The following PDE7A variants were observed in gnomAD, a reference collection of about 807,000 sequenced individuals.
The protein encoded by PDE7A is high affinity 3',5'-cyclic-AMP phosphodiesterase 7A.
Under a neutral mutation model 64.3 loss-of-function variants are expected in PDE7A, and 39 were observed. That is an observed-to-expected ratio of 0.61 (90% CI 0.47 to 0.79). PDE7A has a LOEUF of 0.79. PDE7A is among the 30% of genes least tolerant of loss of function. The pLI, the probability that PDE7A is intolerant of heterozygous loss-of-function variation, is 0.00. For missense variants in PDE7A, 470 were observed against 582.8 expected (o/e 0.81, Z 1.99); for synonymous variants, 203 against 206.8 (o/e 0.98, Z 0.16).
At chr8:65,741,970 T>G (rs987912900) in intron 5 of PDE7A, among the ~76,000 whole-genome samples, 3 of 152,224 alleles carry the variant, frequency 2.0e-5, no homozygotes, top group Non-Finnish European at 2.9e-5. Context: ...AATCAGTCTC[T>G]TAAAGTGTAC....
At chr8:65,754,266 G>T (rs1808110722) in intron 3 of PDE7A, among the ~76,000 whole-genome samples, 1 of 151,934 alleles carries the variant, frequency 6.6e-6, no homozygotes, top group Non-Finnish European at 1.5e-5. Context: ...AAGATTGAGG[G>T]TGCGTCTGCC....
At chr8:65,830,424 A>G (rs1043339647) in intron 1 of PDE7A, among the ~76,000 whole-genome samples, 3 of 152,086 alleles carry the variant, frequency 2.0e-5, no homozygotes, top group African/African-American at 7.2e-5. Context: ...TACTGCTAAT[A>G]TAAAGCACTT....
chr8:65,777,222 G>C (rs893332992), intron 3 of PDE7A, among the ~76,000 whole-genome samples: 2 of 151,746 alleles, frequency 1.3e-5, no homozygotes, highest in Non-Finnish European at 2.9e-5. Context: ...TGGGATTACA[G>C]GCATGCACCA....
At chr8:65,821,180 AC>A (rs1318424532) in intron 1 of PDE7A, among the ~76,000 whole-genome samples, 2 of 152,006 alleles carry the variant, frequency 1.3e-5, no homozygotes, top group African/African-American at 4.8e-5. Context: ...ACAAAACAAA[AC>A]AAAAAAAAAC....
intron 3 of PDE7A, among the ~76,000 whole-genome samples, chr8:65,749,261 T>C (rs749668621): frequency 6.6e-6 from 1 of 152,228 alleles, no homozygotes; most frequent in Non-Finnish European, 1.5e-5. Flanking sequence ...CAAAGCCTAA[T>C]AGTAATGCAA....
intron 1 of PDE7A, among the ~76,000 whole-genome samples, chr8:65,789,252 T>C (rs905761112): frequency 1.3e-5 from 2 of 152,226 alleles, no homozygotes; most frequent in African/African-American, 4.8e-5. Context: ...TAACAAAATG[T>C]AGGCAAAGGA....
At chr8:65,735,448 A>C (rs1365508789) in intron 6 of PDE7A, among the ~76,000 whole-genome samples, 1 of 151,908 alleles carries the variant, frequency 6.6e-6, no homozygotes, top group African/African-American at 2.4e-5. Context: ...AGTTGGAACC[A>C]CAGGTGCATG....
rs937723345 is a variant in PDE7A, at chr8:65,779,881, G to A, written c.200-78C>T. ...AAGCTTCCATATGCAACAAAGGTCCGTGTGGTATCATATTCATAAGTAACA... is the reference window on the plus strand; with the variant it reads ...AAGCTTCCATATGCAACAAAGGTCCATGTGGTATCATATTCATAAGTAACA... On this transcript the variant is annotated intron_variant, in intron 2 of 12. Coordinates refer to ENST00000401827, the MANE Select transcript of PDE7A (RefSeq NM_001242318.3). The A allele has an allele frequency of 2.8e-5, 23 of 813,180 alleles. 1 individual carries two copies. The Middle Eastern group carries it at 1.4e-3, about 48-fold the overall frequency. The allele number at this position is 813,180 out of a possible 1,614,324, so 50.4% of individuals were successfully genotyped here.
At chr8:65,751,139 G>A (rs1807933742) in intron 3 of PDE7A, among the ~76,000 whole-genome samples, 1 of 152,194 alleles carries the variant, frequency 6.6e-6, no homozygotes, top group Admixed American at 6.5e-5. Context: ...GGGTCTGAGG[G>A]CCTCATACAG....
intron 7 of PDE7A, among the ~76,000 whole-genome samples, chr8:65,732,697 G>A (rs770328620): frequency 2.0e-5 from 3 of 152,150 alleles, no homozygotes; most frequent in Non-Finnish European, 4.4e-5. Context: ...ATTTTTTGTA[G>A]AGATGGGATC....
At chr8:65,749,169 ATAT>A (rs1233544594) in intron 3 of PDE7A, among the ~76,000 whole-genome samples, 1 of 152,152 alleles carries the variant, frequency 6.6e-6, no homozygotes, top group Non-Finnish European at 1.5e-5. Flanking sequence ...AGTACTTCTG[ATAT>A]TATAATTAGT....
At chr8:65,787,317 C>A (rs1367983839) in intron 1 of PDE7A, among the ~76,000 whole-genome samples, 1 of 152,170 alleles carries the variant, frequency 6.6e-6, no homozygotes, top group African/African-American at 2.4e-5. Flanking sequence ...TTTGCAGATT[C>A]ATAAACTGAT....
intron 3 of PDE7A, among the ~76,000 whole-genome samples, chr8:65,750,144 A>G (rs1807865717): frequency 6.6e-6 from 1 of 152,226 alleles, no homozygotes; most frequent in African/African-American, 2.4e-5. Context: ...CCCATTTAGT[A>G]ATCATTACCA....
chr8:65,766,282 T>G (rs973349779), intron 3 of PDE7A, among the ~76,000 whole-genome samples: 6 of 152,220 alleles, frequency 3.9e-5, no homozygotes, highest in Non-Finnish European at 7.3e-5. Context: ...ATATGGAATT[T>G]ATTTCGTGTT....
At chr8:65,755,021 C>CT in intron 3 of PDE7A, among the ~76,000 whole-genome samples, 2 of 143,518 alleles carry the variant, frequency 1.4e-5, no homozygotes, top group African/African-American at 2.5e-5. Flanking sequence ...TTTTTTTTCA[C>CT]TTATTTTTTT....
At chr8:65,800,812 T>C (rs2128928036) in intron 1 of PDE7A, among the ~76,000 whole-genome samples, 1 of 152,262 alleles carries the variant, frequency 6.6e-6, no homozygotes, top group African/African-American at 2.4e-5. Flanking sequence ...AGAAACTCCT[T>C]TTAGGGCTTA....
chr8:65,743,498 T>A (rs776505883), intron 5 of PDE7A, among the ~76,000 whole-genome samples: 2 of 152,198 alleles, frequency 1.3e-5, no homozygotes, highest in Non-Finnish European at 2.9e-5. Context: ...CAAACTTCAC[T>A]GTCTTCACAA....
chr8:65,838,051 G>T (rs1218834015), intron 1 of PDE7A, among the ~76,000 whole-genome samples: 1 of 150,560 alleles, frequency 6.6e-6, no homozygotes, highest in East Asian at 1.9e-4. Context: ...AAAGACAAAT[G>T]ATAACTTAGC....
At chr8:65,758,754 T>G (rs1808352931) in intron 3 of PDE7A, among the ~76,000 whole-genome samples, 1 of 152,190 alleles carries the variant, frequency 6.6e-6, no homozygotes, top group African/African-American at 2.4e-5. Context: ...GCCACCGAAA[T>G]CCATGCAGTA....
Sources: allele counts gnomAD v4.1 joint callset (sites outside exome capture counted in the v4.1 genomes callset), GRCh38; gene constraint gnomAD v4.1.1; transcripts MANE v1.5; gene names NCBI Gene and HGNC (gene_info 2026-07-23, HGNC 2026-07-21).